Variants in GNAQ observed in about 807,000 individuals in gnomAD.
GNAQ encodes the protein G protein subunit alpha q, also known as guanine nucleotide-binding protein G(q) subunit alpha.
In GNAQ, 8 loss-of-function variants were observed where a neutral mutation model predicts 43.9. The observed-to-expected ratio is 0.18, with a 90% CI of 0.11 to 0.33. The LOEUF (loss-of-function observed/expected upper bound fraction) is 0.33, where lower values mean the gene tolerates loss of function less well. GNAQ is among the 10% of genes least tolerant of loss of function. The probability of loss-of-function intolerance (pLI) is 1.00; values close to 1 mark genes in which losing one functional copy is unlikely to be tolerated. For missense variants in GNAQ, 158 were observed against 450.8 expected (o/e 0.35, Z 5.88); for synonymous variants, 155 against 170.7 (o/e 0.91, Z 0.71).
At chr9:77,741,216 C>T (rs1293613499) in intron 5 of GNAQ, among the ~76,000 whole-genome samples, 1 of 152,046 alleles carries the variant, frequency 6.6e-6, no homozygotes, top group Non-Finnish European at 1.5e-5. Flanking sequence ...CATGAGAAGA[C>T]TGATAAAAAG....
intron 5 of GNAQ, among the ~76,000 whole-genome samples, chr9:77,766,464 T>G (rs1327026999): frequency 6.6e-6 from 1 of 152,170 alleles, no homozygotes; most frequent in African/African-American, 2.4e-5. Flanking sequence ...AGAAAGAAAA[T>G]AAACTCCTTT....
chr9:77,987,545 A>G (rs7869897), intron 1 of GNAQ, among the ~76,000 whole-genome samples: 46,599 of 151,856 alleles, frequency 0.31, 7,464 homozygotes, highest in South Asian at 0.44. Flanking sequence ...TCTCTCGGCA[A>G]TCCACCTGCT....
intron 2 of GNAQ, among the ~76,000 whole-genome samples, chr9:77,847,383 T>C (rs1372117638): frequency 6.6e-6 from 1 of 152,180 alleles, no homozygotes; most frequent in East Asian, 1.9e-4. Flanking sequence ...TGCCTTCCTG[T>C]TGCCAGTGCC....
At chr9:77,950,930 T>C (rs1313882278) in intron 1 of GNAQ, among the ~76,000 whole-genome samples, 1 of 152,070 alleles carries the variant, frequency 6.6e-6, no homozygotes, top group African/African-American at 2.4e-5. Flanking sequence ...ACATCTATAT[T>C]TAAAAAGGTT....
chr9:77,991,882 T>A (rs1457514722), intron 1 of GNAQ, among the ~76,000 whole-genome samples: 1 of 152,248 alleles, frequency 6.6e-6, no homozygotes, highest in African/African-American at 2.4e-5. Flanking sequence ...TCCAAGTTGC[T>A]GCAAAGGCCA....
At chr9:78,022,687 T>G (rs1164858351) in intron 1 of GNAQ, among the ~76,000 whole-genome samples, 1 of 152,300 alleles carries the variant, frequency 6.6e-6, no homozygotes, top group Admixed American at 6.5e-5. Context: ...ATTAAAGTCA[T>G]CTTGTATTAT....
At chr9:77,779,261 A>G (rs922984450) in intron 5 of GNAQ, among the ~76,000 whole-genome samples, 20 of 151,994 alleles carry the variant, frequency 1.3e-4, no homozygotes, top group Admixed American at 7.2e-4. Context: ...CAAATAACCA[A>G]AAGATAACTG....
chr9:77,932,751 T>C (rs1473933422), intron 1 of GNAQ, among the ~76,000 whole-genome samples: 2 of 152,152 alleles, frequency 1.3e-5, no homozygotes, highest in Non-Finnish European at 2.9e-5. Flanking sequence ...TGGATTTTAT[T>C]CTAAGTGCAC....
intron 5 of GNAQ, among the ~76,000 whole-genome samples, chr9:77,762,716 A>G (rs2118343221): frequency 6.6e-6 from 1 of 152,196 alleles, no homozygotes; most frequent in East Asian, 1.9e-4. Context: ...TGTGGAAAGA[A>G]GTAGACATGG....
intron 2 of GNAQ, among the ~76,000 whole-genome samples, chr9:77,855,325 C>T (rs574168964): frequency 1.5e-4 from 23 of 151,970 alleles, no homozygotes; most frequent in Admixed American, 8.5e-4. Flanking sequence ...TAAAGGCCAA[C>T]GAGCAGTTAT....
At chr9:77,841,652 T>G (rs1355572558) in intron 2 of GNAQ, among the ~76,000 whole-genome samples, 1 of 152,202 alleles carries the variant, frequency 6.6e-6, no homozygotes, top group Non-Finnish European at 1.5e-5. Flanking sequence ...TGTGCCCAAC[T>G]ATTATATGTA....
intron 2 of GNAQ, among the ~76,000 whole-genome samples, chr9:77,896,528 G>A (rs978158010): frequency 6.6e-5 from 10 of 151,902 alleles, no homozygotes; most frequent in Non-Finnish European, 5.9e-5. Flanking sequence ...TTTATACAAC[G>A]ACAATGCCAA....
At chr9:77,892,870 C>T (rs988900141) in intron 2 of GNAQ, among the ~76,000 whole-genome samples, 5 of 152,094 alleles carry the variant, frequency 3.3e-5, no homozygotes, top group African/African-American at 7.2e-5. Flanking sequence ...CAAGAAGCTC[C>T]TCAAAGTTTT....
intron 1 of GNAQ, among the ~76,000 whole-genome samples, chr9:77,946,452 C>T (rs1274791339): frequency 6.6e-6 from 1 of 152,010 alleles, no homozygotes; most frequent in Non-Finnish European, 1.5e-5. Context: ...TCCAAAAACC[C>T]CAAAAACACC....
At chr9:77,914,739 T>C (rs974302385) in intron 2 of GNAQ, among the ~76,000 whole-genome samples, 2 of 150,472 alleles carry the variant, frequency 1.3e-5, no homozygotes, top group African/African-American at 2.4e-5. Flanking sequence ...TGAAAAAGCA[T>C]AGGCTGTTTT....
intron 5 of GNAQ, among the ~76,000 whole-genome samples, chr9:77,766,650 T>C (rs1008070121): frequency 6.6e-6 from 1 of 151,260 alleles, no homozygotes; most frequent in African/African-American, 2.4e-5. Flanking sequence ...GGGTGTAGGG[T>C]GGGAGGCTGG....
At chr9:77,748,806 T>C (rs1206761744) in intron 5 of GNAQ, among the ~76,000 whole-genome samples, 1 of 152,206 alleles carries the variant, frequency 6.6e-6, no homozygotes, top group Non-Finnish European at 1.5e-5. Context: ...GACAAGTGTT[T>C]AATAATTGGA....
In GNAQ at chr9:78,016,195, T is replaced by C. The variant is rs112384202; in HGVS notation, c.136+14905A>G. On this transcript the variant is annotated intron_variant, in intron 1 of 6. Coordinates refer to ENST00000286548, the MANE Select transcript of GNAQ (RefSeq NM_002072.5). ...TGGATTTTTCCAATGGTTTCTTCCA[T>C]ATGAGACCAAAAAGCAGAAGCAATT... 6.0e-3 allele frequency among the ~76,000 whole-genome samples: 910 copies of C among 152,290 alleles called. 3 individuals are homozygous for C. The highest frequency in any genetic ancestry group is 0.021 in the African/African-American group (858 of 41,548).
intron 2 of GNAQ, among the ~76,000 whole-genome samples, chr9:77,874,894 T>A (rs564693694): frequency 6.6e-6 from 1 of 152,146 alleles, no homozygotes; most frequent in East Asian, 1.9e-4. Flanking sequence ...GTACTGGGAT[T>A]ACACATGTGA....
Sources: allele counts gnomAD v4.1 joint callset (sites outside exome capture counted in the v4.1 genomes callset), GRCh38; gene constraint gnomAD v4.1.1; transcripts MANE v1.5; gene names NCBI Gene and HGNC (gene_info 2026-07-23, HGNC 2026-07-21).